Variants in DYSF observed in about 807,000 individuals in gnomAD.
The protein encoded by DYSF is dysferlin.
In DYSF, 212 loss-of-function variants were observed where a neutral mutation model predicts 274.9. That is an observed-to-expected ratio of 0.77 (90% confidence interval 0.69 to 0.86). DYSF has a LOEUF of 0.86. Among genes scored for constraint, DYSF ranks in the 40% least tolerant of loss-of-function variants. The pLI is 0.00. For synonymous variants in DYSF, 1,091 were observed against 1,078.7 expected (o/e 1.01, Z -0.22); for missense variants, 2,666 against 2,783.2 (o/e 0.96, Z 0.95).
At chr2:71,507,413 G>T (rs546164969) in intron 4 of DYSF, among the ~76,000 whole-genome samples, 109 of 152,290 alleles carry the variant, frequency 7.2e-4, no homozygotes, top group African/African-American at 2.4e-3. Flanking sequence ...GATCCTTCTT[G>T]CTCTGGTTTA....
chr2:71,587,640 T>A (rs1239812264), intron 30 of DYSF, among the ~76,000 whole-genome samples: 2 of 152,244 alleles, frequency 1.3e-5, no homozygotes, highest in Non-Finnish European at 2.9e-5. Flanking sequence ...CTAAAATAGA[T>A]ACTGTATAAT....
At chr2:71,462,211 T>G (rs1278844620), upstream of DYSF, among the ~76,000 whole-genome samples, 1 of 152,124 alleles carries the variant, frequency 6.6e-6, no homozygotes, top group Non-Finnish European at 1.5e-5. Flanking sequence ...GAGTGCAGGG[T>G]CCAGCCACTG....
At chr2:71,646,785 CTCTTAGACTATA>C (rs2094573964) in intron 42 of DYSF, among the ~76,000 whole-genome samples, 1 of 152,128 alleles carries the variant, frequency 6.6e-6, no homozygotes, top group South Asian at 2.1e-4. Context: ...GTGACAAGGA[CTCTTAGACTATA>C]TCAAAAGTCA....
chr2:71,543,352 G>A (rs184273706), intron 17 of DYSF, among the ~76,000 whole-genome samples: 3,149 of 151,336 alleles, frequency 0.021, 107 homozygotes, highest in African/African-American at 0.069. Flanking sequence ...TGGCGGCCGG[G>A]AAGAGACGCT....
intron 3 of DYSF, among the ~76,000 whole-genome samples, chr2:71,484,980 A>G (rs908178868): frequency 1.9e-4 from 29 of 152,172 alleles, no homozygotes; most frequent in Admixed American, 1.6e-3. Context: ...CCAGTGCCCC[A>G]TGTGAGCAGT....
intron 24 of DYSF, among the ~76,000 whole-genome samples, chr2:71,565,266 A>ATTTTTTTTTTTTTTTTTTTTTTTTTT (rs1236133814): frequency 8.8e-6 from 1 of 113,810 alleles, no homozygotes; most frequent in African/African-American, 3.6e-5. Flanking sequence ...TTTTTTTTTA[A>ATTTTTTTTTTTTTTTTTTTTTTTTTT]TTTTAGTGGA....
intron 3 of DYSF, among the ~76,000 whole-genome samples, chr2:71,492,015 A>G (rs2083898276): frequency 6.6e-6 from 1 of 152,168 alleles, no homozygotes; most frequent in African/African-American, 2.4e-5. Flanking sequence ...TGTTTTGGGC[A>G]GGATTATTTA....
Position 71,493,100 on chromosome 2 carries a change from G to A in DYSF, c.240-10114G>A, listed in dbSNP as rs144962311. On this transcript the variant is annotated intron_variant, in intron 3 of 55. Coordinates refer to ENST00000410020, the MANE Select transcript of DYSF (RefSeq NM_001130987.2). ...GACAGGGTCTCACTATGTTGTCCAG[G>A]CTGGTCTTGAACTCCTAGGATCAAG... Among the ~76,000 whole-genome samples the A allele has an allele frequency of 8.9e-3, 1,349 of 152,144 alleles. 23 individuals are homozygous for A. The highest frequency in any genetic ancestry group is 0.031 in the African/African-American group (1,285 of 41,514).
chr2:71,528,010 AT>A (rs1324851191), intron 13 of DYSF, among the ~76,000 whole-genome samples: 1 of 152,228 alleles, frequency 6.6e-6, no homozygotes, highest in East Asian at 1.9e-4. Context: ...AGTGATGTAG[AT>A]TTCTAATTAG....
Position 71,551,710 on chromosome 2 carries a change from T to C in DYSF, c.1796T>C (p.Leu599Pro). Residue 599 changes from leucine to proline, a missense_variant, in exon 19 of 56, where the codon CTC becomes CCC. This residue lies in a region of DYSF where 794 missense variants were observed against 777.1 expected (regional missense o/e 1.02). Coordinates refer to ENST00000410020, the MANE Select transcript of DYSF (RefSeq NM_001130987.2). ...GAGGACCTTCCTGCGGATGACATCC[T>C]CCGGGTGGAGGTGAGGGGTGTGGCT... ...KVEDLPADDI[L>P]RVEKYLRRRK... 6.2e-7 allele frequency: 1 copy of C among 1,605,992 alleles called. No individual in the cohort carries two copies. Among genetic ancestry groups the C allele is most frequent in the Non-Finnish European group, 8.5e-7 (1 of 1,177,816 alleles).
At chr2:71,601,956 C>G (rs1334567562) in intron 35 of DYSF, among the ~76,000 whole-genome samples, 1 of 152,240 alleles carries the variant, frequency 6.6e-6, no homozygotes, top group Admixed American at 6.5e-5. Flanking sequence ...GGCAGCCCAG[C>G]AACCTCTGTA....
chr2:71,578,765 G>C (rs1445093085), intron 30 of DYSF, among the ~76,000 whole-genome samples: 1 of 152,110 alleles, frequency 6.6e-6, no homozygotes. Flanking sequence ...CCAGCGAGCT[G>C]GGCCTTGCCT....
At chr2:71,515,440 T>C (rs912347146) in intron 7 of DYSF, among the ~76,000 whole-genome samples, 183 bp from the exon 8 acceptor site, 1 of 152,172 alleles carries the variant, frequency 6.6e-6, no homozygotes, top group African/African-American at 2.4e-5. Flanking sequence ...ATTTTATAGA[T>C]GTAAGGGGCC....
intron 5 of DYSF, among the ~76,000 whole-genome samples, chr2:71,512,644 G>A (rs1389739536): frequency 1.3e-5 from 2 of 152,234 alleles, no homozygotes; most frequent in African/African-American, 2.4e-5. Flanking sequence ...GGGGTTGGGA[G>A]GAAGCTACAT....
chr2:71,663,649 C>G (rs1410647246), intron 45 of DYSF, among the ~76,000 whole-genome samples: 1 of 152,196 alleles, frequency 6.6e-6, no homozygotes, highest in Non-Finnish European at 1.5e-5. Context: ...AATACCTCTC[C>G]CTTTGATGCA....
chr2:71,552,908 G>C, intron 19 of DYSF, 103 bp from the exon 20 acceptor site: 1 of 1,217,694 alleles, frequency 8.2e-7, no homozygotes, highest in South Asian at 1.3e-5. Context: ...GGAGCTATTG[G>C]GTGCCGGTTA....
intron 12 of DYSF, among the ~76,000 whole-genome samples, chr2:71,525,512 C>T (rs977620089): frequency 2.0e-5 from 3 of 152,178 alleles, no homozygotes; most frequent in Non-Finnish European, 2.9e-5. Flanking sequence ...GTGCGAGCCA[C>T]GGCGCCCAGG....
chr2:71,482,553 A>G (rs895549742), intron 3 of DYSF, among the ~76,000 whole-genome samples: 1 of 151,030 alleles, frequency 6.6e-6, no homozygotes, highest in South Asian at 2.1e-4. Flanking sequence ...TGGTGGGGGG[A>G]TCAAAGTTGT....
chr2:71,513,648 G>T (rs2152731529), intron 6 of DYSF, 68 bp from the exon 7 acceptor site: 2 of 1,537,498 alleles, frequency 1.3e-6, no homozygotes, highest in East Asian at 4.5e-5. Context: ...CCCTGGGCTG[G>T]GTCCCAGGGG....
Sources: allele counts gnomAD v4.1 joint callset (sites outside exome capture counted in the v4.1 genomes callset), GRCh38; gene constraint gnomAD v4.1.1; regional missense constraint gnomAD v4.1.1; transcripts MANE v1.5; gene names NCBI Gene and HGNC (gene_info 2026-07-23, HGNC 2026-07-21).